The following SNX29 variants were observed in gnomAD, a reference collection of about 807,000 sequenced individuals.
SNX29 encodes sorting nexin 29.
SNX29 carries 78 observed loss-of-function variants against 102.1 expected under a neutral mutation model. The ratio of observed to expected loss-of-function variants is 0.76; its 90% CI spans 0.64 to 0.92. SNX29 has a LOEUF of 0.92. Among genes scored for constraint, SNX29 ranks in the 40% least tolerant of loss-of-function variants. The pLI is 0.00. For synonymous variants in SNX29, 580 were observed against 414.5 expected (o/e 1.40, Z -4.85); for missense variants, 1,280 against 1,061.7 (o/e 1.21, Z -2.86).
intron 20 of SNX29, among the ~76,000 whole-genome samples, chr16:12,553,058 A>G (rs1597966402): frequency 6.6e-6 from 1 of 152,216 alleles, no homozygotes; most frequent in East Asian, 1.9e-4. Context: ...GGAGATGGTA[A>G]CTGCAAAGCA....
intron 19 of SNX29, among the ~76,000 whole-genome samples, chr16:12,515,340 A>T (rs2089816545): frequency 6.6e-6 from 1 of 152,328 alleles, no homozygotes; most frequent in East Asian, 1.9e-4. Context: ...CCTGGCTCAC[A>T]GTAGGCCCCC....
chr16:12,246,755 C>T (rs1238431364), intron 14 of SNX29, among the ~76,000 whole-genome samples: 1 of 152,208 alleles, frequency 6.6e-6, no homozygotes, highest in Admixed American at 6.5e-5. Flanking sequence ...ATTCTTAGAA[C>T]AATGACCCGG....
chr16:12,195,058 A>G (rs763227609), intron 13 of SNX29, among the ~76,000 whole-genome samples: 2 of 152,192 alleles, frequency 1.3e-5, no homozygotes, highest in Admixed American at 6.5e-5. Context: ...TGGTCTATAC[A>G]TTTCCAGTGC....
At chr16:12,408,014 T>C (rs1039135343) in intron 18 of SNX29, among the ~76,000 whole-genome samples, 8 of 152,044 alleles carry the variant, frequency 5.3e-5, no homozygotes, top group African/African-American at 1.9e-4. Flanking sequence ...AAAAATTAAC[T>C]GGGCATGGTG....
At chr16:12,141,868 C>T (rs1268326661) in intron 13 of SNX29, among the ~76,000 whole-genome samples, 1 of 152,150 alleles carries the variant, frequency 6.6e-6, no homozygotes, top group Non-Finnish European at 1.5e-5. Flanking sequence ...GACACCAGTC[C>T]TCCTGACCTC....
intron 14 of SNX29, among the ~76,000 whole-genome samples, chr16:12,215,313 GAA>G (rs59097054): frequency 0.1 from 14,059 of 137,186 alleles, 1,105 homozygotes; most frequent in South Asian, 0.3. Context: ...AATCTCTACA[GAA>G]AAAAAAAAAA....
At chr16:12,558,387 TAG>T (rs771622067) in intron 20 of SNX29, among the ~76,000 whole-genome samples, 48 of 152,128 alleles carry the variant, frequency 3.2e-4, no homozygotes, top group Admixed American at 1.6e-3. Flanking sequence ...GAATTTTACA[TAG>T]AGTGATATGT....
intron 15 of SNX29, among the ~76,000 whole-genome samples, chr16:12,355,468 A>G (rs1597048457): frequency 6.6e-6 from 1 of 152,124 alleles, no homozygotes; most frequent in East Asian, 1.9e-4. Flanking sequence ...AAGGTTAGGG[A>G]GCTAGGGGTC....
At chr16:12,027,603 A>G (rs1441754137) in intron 4 of SNX29, 159 bp downstream of exon 4, 3 of 785,826 alleles carry the variant, frequency 3.8e-6, no homozygotes, top group Non-Finnish European at 5.7e-6. Context: ...GTCAAAACGT[A>G]ATGGTGTTGT....
chr16:12,306,310 A>T lies in SNX29; in HGVS notation c.1782+28274A>T, dbSNP rs528737805. On this transcript the variant is annotated intron_variant, in intron 15 of 20. Coordinates refer to ENST00000566228, the MANE Select transcript of SNX29 (RefSeq NM_032167.5). ...CACACGGCATGGTGATGCCAACTGC[A>T]TATGGTCATGAGGATGAATGGTTTT... Among the ~76,000 whole-genome samples the T allele has an allele frequency of 1.1e-3, 163 of 151,614 alleles. 1 individual carries two copies. Among genetic ancestry groups the T allele is most frequent in the African/African-American group, 3.7e-3 (151 of 41,368 alleles).
At chr16:12,211,831 G>T (rs1361421272) in intron 14 of SNX29, among the ~76,000 whole-genome samples, 1 of 152,140 alleles carries the variant, frequency 6.6e-6, no homozygotes, top group African/African-American at 2.4e-5. Context: ...TCTCATTATG[G>T]AAGATAATGT....
At chr16:12,403,848 G>C (rs2084058673) in intron 18 of SNX29, among the ~76,000 whole-genome samples, 1 of 152,200 alleles carries the variant, frequency 6.6e-6, no homozygotes, top group Non-Finnish European at 1.5e-5. Flanking sequence ...GGTAGGTCGG[G>C]CCTTGGGCAT....
At chr16:12,305,063 A>G (rs1398569886) in intron 15 of SNX29, among the ~76,000 whole-genome samples, 1 of 152,248 alleles carries the variant, frequency 6.6e-6, no homozygotes, top group Non-Finnish European at 1.5e-5. Flanking sequence ...GGCTGTAATT[A>G]GGAACATCAA....
chr16:12,200,423 T>A (rs1222223117), intron 14 of SNX29, among the ~76,000 whole-genome samples: 1 of 151,918 alleles, frequency 6.6e-6, no homozygotes, highest in East Asian at 1.9e-4. Context: ...AAAATTTCCT[T>A]AAAGACAAGC....
At position 12,098,124 on chromosome 16, in the gene SNX29, CG is replaced by C. The variant is rs1449538640; in HGVS notation, c.1402+19213del. The stretch of plus-strand genomic sequence containing the variant: ...GCCCAGAGGACGCTCAGTACGTGGC[CG>C]GGGTGCTTACGTTTTGGTTGCAGCC... On this transcript the variant is annotated intron_variant, in intron 11 of 20. Transcript: ENST00000566228. This position sits in a 1 kb window ranked among gnomAD's most constrained non-coding sequence, Gnocchi z 6.0. 6.6e-6 allele frequency among the ~76,000 whole-genome samples: 1 copy of C among 152,204 alleles called. No homozygotes were observed. The highest frequency in any genetic ancestry group is 2.4e-5 in the African/African-American group (1 of 41,452).
intron 10 of SNX29, among the ~76,000 whole-genome samples, chr16:12,069,504 G>A (rs1040066665): frequency 1.3e-5 from 2 of 152,100 alleles, no homozygotes; most frequent in Admixed American, 1.3e-4. Flanking sequence ...CTGACCTCAG[G>A]TGATCTGCCC....
At chr16:12,207,279 G>T (rs1360414194) in intron 14 of SNX29, among the ~76,000 whole-genome samples, 1 of 152,138 alleles carries the variant, frequency 6.6e-6, no homozygotes, top group Non-Finnish European at 1.5e-5. Flanking sequence ...TGAGGCAGGA[G>T]AATTGCTTGA....
At chr16:12,218,925 C>T (rs2077397239) in intron 14 of SNX29, among the ~76,000 whole-genome samples, 1 of 152,188 alleles carries the variant, frequency 6.6e-6, no homozygotes, top group Admixed American at 6.5e-5. Flanking sequence ...AAGGCACCTG[C>T]CACCAGTCCT....
intron 20 of SNX29, among the ~76,000 whole-genome samples, chr16:12,537,291 A>ATGTT (rs954163261): frequency 9.9e-5 from 15 of 152,238 alleles, no homozygotes; most frequent in African/African-American, 3.6e-4. Context: ...AGTGTGGTAC[A>ATGTT]TGTTTGGATT....
Sources: gnomAD v4.1 joint callset for allele counts (sites outside exome capture counted in the v4.1 genomes callset) on GRCh38, gnomAD v4.1.1 for gene constraint, Gnocchi (gnomAD v3.1) non-coding constraint, MANE v1.5 for transcripts, NCBI Gene and HGNC (gene_info 2026-07-23, HGNC 2026-07-21) for gene names.